TRAPPC8: variants seen among roughly 807,000 people sequenced by gnomAD.
TRAPPC8 encodes trafficking protein particle complex subunit 8.
Under a neutral mutation model 174.3 loss-of-function variants are expected in TRAPPC8, and 54 were observed. The ratio of observed to expected loss-of-function variants is 0.31; its 90% confidence interval spans 0.25 to 0.39. TRAPPC8 has a LOEUF of 0.39. TRAPPC8 is among the 10% of genes least tolerant of loss of function. The pLI, the probability that TRAPPC8 is intolerant of heterozygous loss-of-function variation, is 1.00. For synonymous variants in TRAPPC8, 630 were observed against 579.9 expected (o/e 1.09, Z -1.24); for missense variants, 1,531 against 1,699.1 (o/e 0.90, Z 1.74).
At chr18:31,935,740 C>T (rs1453038562) in intron 1 of TRAPPC8, among the ~76,000 whole-genome samples, 2 of 139,408 alleles carry the variant, frequency 1.4e-5, no homozygotes, top group Non-Finnish European at 3.2e-5. Flanking sequence ...GACCCCATTT[C>T]TTTTTTTTTT....
intron 26 of TRAPPC8, among the ~76,000 whole-genome samples, chr18:31,846,023 C>T (rs74962786): frequency 3.6e-3 from 544 of 152,192 alleles, no homozygotes; most frequent in African/African-American, 0.01. Context: ...AATATACCCT[C>T]GGAGCTCTGC....
rs1047945818 is a variant in TRAPPC8 at position 31,831,110 on chromosome 18, T to C, written c.4074-121A>G. On this transcript the variant is annotated intron_variant, in intron 28 of 28. Transcript: ENST00000283351. Reference sequence around the variant, plus strand: ...GCTCACGCCTGTAATCCCAGCACTTTGGGAGGCTGAGGCAGGTGGATCACC... The same window carrying C: ...GCTCACGCCTGTAATCCCAGCACTTCGGGAGGCTGAGGCAGGTGGATCACC... 6 of 750,098 alleles carry C rather than the reference T, an allele frequency of 8.0e-6. No individual in the cohort carries two copies. The Admixed American group carries it at 8.7e-5, about 11-fold the overall frequency. The allele number at this position is 750,098 out of a possible 1,614,324, so 46.5% of individuals were successfully genotyped here. A position where few individuals can be genotyped will look rare whatever the true frequency, so the allele number is the denominator to read the frequency against.
chr18:31,885,670 C>T (rs920668276), intron 12 of TRAPPC8, among the ~76,000 whole-genome samples: 65 of 151,854 alleles, frequency 4.3e-4, no homozygotes, highest in African/African-American at 1.5e-3. Flanking sequence ...ACCAACCTGA[C>T]CAACATGGAG....
chr18:31,869,049 A>T lies in TRAPPC8; in HGVS notation c.2388+1323T>A, dbSNP rs571429395. On this transcript the variant is annotated intron_variant, in intron 16 of 28. Coordinates refer to ENST00000283351, the MANE Select transcript of TRAPPC8 (RefSeq NM_014939.5). Reference sequence around the variant, plus strand: ...ATTAAAGCATTTAGCAAGGTAGTATAAAAAAAGCAAGTTATATGATAGATA... The same window carrying T: ...ATTAAAGCATTTAGCAAGGTAGTATTAAAAAAGCAAGTTATATGATAGATA... 2.4e-4 allele frequency among the ~76,000 whole-genome samples: 37 copies of T among 152,058 alleles called. No homozygotes were observed. The South Asian group carries it at 7.3e-3, about 30-fold the overall frequency.
At position 31,855,683 on chromosome 18, in the gene TRAPPC8, C is replaced by T; in HGVS notation, c.3313G>A (p.Val1105Met). The T allele has an allele frequency of 6.3e-7, 1 of 1,598,928 alleles. No homozygotes were observed. The change falls in exon 21 of 29, where the codon GTG (valine) becomes ATG (methionine). Residue 1105 changes from valine to methionine, a missense_variant. Transcript: ENST00000283351. The stretch of plus-strand genomic sequence containing the variant: ...ACAGTATTGGTATTTTCCACATCCA[C>T]AAAGACTAGCATATTGCCTCCTCTG... ...EGRGGNMLVFVDVENTNTSEA... is the reference protein window; with the variant it reads ...EGRGGNMLVFMDVENTNTSEA...
chr18:31,877,334 C>A (rs747726146), intron 12 of TRAPPC8, among the ~76,000 whole-genome samples: 4 of 152,062 alleles, frequency 2.6e-5, no homozygotes, highest in Non-Finnish European at 5.9e-5. Context: ...TGAGCCTGGC[C>A]GGGCGCGGTG....
At chr18:31,890,601 C>G in intron 12 of TRAPPC8, 134 bp downstream of exon 12, 1 of 933,950 alleles carries the variant, frequency 1.1e-6, no homozygotes, top group Non-Finnish European at 1.5e-6. Flanking sequence ...AAATCCAAAT[C>G]TCACGCCCTT....
At chr18:31,942,461 C>G in intron 1 of TRAPPC8, 147 bp downstream of exon 1, 6 of 1,095,888 alleles carry the variant, frequency 5.5e-6, no homozygotes, top group Non-Finnish European at 6.1e-6. Flanking sequence ...CAGCCGCCCC[C>G]GGAGCACCGC....
chr18:31,895,816 TTG>T (rs1432099874), intron 11 of TRAPPC8: 2 of 151,998 alleles, frequency 1.3e-5, no homozygotes, highest in Admixed American at 6.6e-5. Flanking sequence ...TACAAATAGT[TTG>T]TCTGTTATCT....
chr18:31,876,155 T>C (rs898385163), intron 12 of TRAPPC8, among the ~76,000 whole-genome samples: 6 of 152,194 alleles, frequency 3.9e-5, no homozygotes, highest in African/African-American at 1.4e-4. Context: ...ACTATGTATG[T>C]TTATTATGTA....
In TRAPPC8 at chr18:31,900,986, G is replaced by T; in HGVS notation, c.1429C>A (p.Pro477Thr). ...AVSAFLQPGA[P>T]RPYPAHYMDT... ...ATGTAATGAGCAGGATATGGCCTAG[G>T]TGCTCCTGGTTGAAGAAAAGCAGAC... Residue 477 changes from proline to threonine, a missense_variant, in exon 10 of 29, where the codon CCT becomes ACT. Physicochemically the swap from Pro to Thr is conservative, Grantham distance 38 (BLOSUM62 -1). Transcript: ENST00000283351. 1 of 1,587,490 alleles carries T rather than the reference G, an allele frequency of 6.3e-7. No homozygotes were observed.
At chr18:31,837,130 A>C (rs1480405602) in intron 27 of TRAPPC8, among the ~76,000 whole-genome samples, 2 of 152,122 alleles carry the variant, frequency 1.3e-5, no homozygotes, top group African/African-American at 4.8e-5. Context: ...AAAGGAACAA[A>C]GCATGAGTAC....
chr18:31,849,175 G>C (rs1418362103), intron 25 of TRAPPC8, among the ~76,000 whole-genome samples: 2 of 152,028 alleles, frequency 1.3e-5, no homozygotes, highest in African/African-American at 4.8e-5. Context: ...AAAGAGAAGA[G>C]AAGGTAAATG....
chr18:31,881,928 G>A (rs187405231), intron 12 of TRAPPC8, among the ~76,000 whole-genome samples: 25 of 152,212 alleles, frequency 1.6e-4, no homozygotes, highest in Middle Eastern at 3.4e-3. Context: ...GAAACAATGA[G>A]ATACCATCTC....
At chr18:31,927,093 C>T (rs570922297) in intron 2 of TRAPPC8, among the ~76,000 whole-genome samples, 1 of 152,132 alleles carries the variant, frequency 6.6e-6, no homozygotes, top group African/African-American at 2.4e-5. Context: ...TGTCTATGTA[C>T]ACATATCATT....
At chr18:31,886,553 G>C (rs930294126) in intron 12 of TRAPPC8, among the ~76,000 whole-genome samples, 2 of 152,088 alleles carry the variant, frequency 1.3e-5, no homozygotes, top group African/African-American at 4.8e-5. Context: ...TTTATAGTAA[G>C]AACACAAAGG....
intron 9 of TRAPPC8, among the ~76,000 whole-genome samples, chr18:31,906,502 A>C (rs1272668419): frequency 6.6e-6 from 1 of 151,604 alleles, no homozygotes; most frequent in African/African-American, 2.4e-5. Flanking sequence ...TTTTCTAGCT[A>C]AAAAAAAGTA....
At chr18:31,872,004 G>C (rs1007035700) in intron 14 of TRAPPC8, among the ~76,000 whole-genome samples, 9 of 151,690 alleles carry the variant, frequency 5.9e-5, no homozygotes, top group Non-Finnish European at 1.3e-4. Context: ...GATTTAGGGG[G>C]TACAAGTTAT....
intron 19 of TRAPPC8, among the ~76,000 whole-genome samples, chr18:31,860,272 C>CAT (rs961962491): frequency 2.6e-5 from 4 of 151,960 alleles, no homozygotes; most frequent in Non-Finnish European, 5.9e-5. Context: ...TTGAATGATA[C>CAT]ATATATATAA....
Sources: allele counts gnomAD v4.1 joint callset (sites outside exome capture counted in the v4.1 genomes callset), GRCh38; gene constraint gnomAD v4.1.1; transcripts MANE v1.5; gene names NCBI Gene and HGNC (gene_info 2026-07-23, HGNC 2026-07-21).